Variants in PRSS50 observed in about 807,000 individuals in gnomAD.
PRSS50 encodes the protein serine protease 50.
A neutral mutation model predicts 34.2 loss-of-function variants in PRSS50; 23 were observed. That is an observed-to-expected ratio of 0.67 (90% confidence interval 0.48 to 0.95). The LOEUF is 0.95. PRSS50 is among the 40% of genes least tolerant of loss of function. The pLI is 0.00. For missense variants in PRSS50, 484 were observed against 513.4 expected (o/e 0.94, Z 0.55); for synonymous variants, 224 against 211.2 (o/e 1.06, Z -0.53).
Position 46,715,032 on chromosome 3 carries a change from C to T in PRSS50, c.470+503G>A, listed in dbSNP as rs1233701341. The stretch of plus-strand genomic sequence containing the variant: ...CACTCCTGGCCCCAAAACATCAGAA[C>T]ACTCCCTCTTTTGTCCCCACACCAA... On this transcript the variant is annotated intron_variant, in intron 3 of 5. Transcript: ENST00000315170. This position sits in a 1 kb window ranked among gnomAD's most constrained non-coding sequence, Gnocchi z 5.2. Among the ~76,000 whole-genome samples, 1 of 152,240 alleles carries T rather than the reference C, an allele frequency of 6.6e-6. No individual in the cohort carries two copies. The highest frequency in any genetic ancestry group is 1.5e-5 in the Non-Finnish European group (1 of 68,042).
chr3:46,714,371 C>T lies in PRSS50; in HGVS notation c.601G>A (p.Val201Met). 1.2e-6 allele frequency: 2 copies of T among 1,613,994 alleles called. No individual in the cohort carries two copies. The highest frequency in any genetic ancestry group is 1.7e-6 in the Non-Finnish European group (2 of 1,180,004). Residue 201 changes from valine to methionine, a missense_variant, in exon 4 of 6, where the codon GTG becomes ATG. Physicochemically the swap from Val to Met is conservative, Grantham distance 21. Coordinates refer to ENST00000315170, the MANE Select transcript of PRSS50 (RefSeq NM_013270.5). ...AGGCCGATGTCGTTGGCCTGGCCCACCCAGGACCAGAACCGCTGGGCCCGG... is the reference window on the plus strand; with the variant it reads ...AGGCCGATGTCGTTGGCCTGGCCCATCCAGGACCAGAACCGCTGGGCCCGG... Reference protein sequence around the residue: ...RYRAQRFWSWVGQANDIGLLK... With the variant: ...RYRAQRFWSWMGQANDIGLLK...
Position 46,715,637 on chromosome 3 carries a change from C to T in PRSS50, c.368G>A (p.Arg123Gln), listed in dbSNP as rs368788846. 8.7e-6 allele frequency: 14 copies of T among 1,611,494 alleles called. No homozygotes were observed. The African/African-American group carries it at 9.3e-5, about 11-fold the overall frequency. The stretch of plus-strand genomic sequence containing the variant: ...CCGCACGCTGACCATCCAGGGCCAC[C>T]GCCGAGCCACGGCTTCTGGGTCCCT... ...TLRDPEAVAR[R>Q]WPWMVSVRAN... The change falls in exon 3 of 6, where the codon CGG becomes CAG. Residue 123 changes from arginine to glutamine, a missense_variant. Coordinates refer to ENST00000315170, the MANE Select transcript of PRSS50 (RefSeq NM_013270.5). The surrounding 1 kb of genome is among the most constrained non-coding windows in gnomAD (Gnocchi z 5.2).
intron 3 of PRSS50, 56 bp from the exon 4 acceptor site, chr3:46,714,557 C>G: frequency 6.8e-7 from 1 of 1,476,428 alleles, no homozygotes; most frequent in Non-Finnish European, 9.0e-7. Flanking sequence ...GCCCCAGCCT[C>G]CAGCCTGGGC....
rs1700694188 is a variant in PRSS50, at chr3:46,717,170, A to T, written c.307+267T>A. 1.3e-5 allele frequency among the ~76,000 whole-genome samples: 2 copies of T among 152,146 alleles called. No individual in the cohort carries two copies. Among genetic ancestry groups the T allele is most frequent in the South Asian group, 4.1e-4 (2 of 4,830 alleles). On this transcript the variant is annotated intron_variant, in intron 2 of 5. Transcript: ENST00000315170. This position sits in a 1 kb window ranked among gnomAD's most constrained non-coding sequence, Gnocchi z 4.5. ...GCCAGCTCAGGCGAGGCGGGAACAC[A>T]CAGCCGGCCCCAGGCCCCTCTGACT...
chr3:46,712,972 G>A lies in PRSS50; in HGVS notation c.850C>T (p.Pro284Ser), dbSNP rs1191681298. ...DNFYHNFTKI[P>S]TLVQIIKSQM... ...GACTTGATGATCTGAACCAGAGTGGGGATTTTGGTGAAGTTGTGGTAGAAA... is the reference window on the plus strand; with the variant it reads ...GACTTGATGATCTGAACCAGAGTGGAGATTTTGGTGAAGTTGTGGTAGAAA... The change falls in exon 5 of 6, where the codon CCC becomes TCC. Residue 284 changes from proline (P) to serine (S), a missense_variant. Physicochemically the swap from Pro to Ser is moderately conservative, Grantham distance 74. Coordinates refer to ENST00000315170, the MANE Select transcript of PRSS50 (RefSeq NM_013270.5). 6.2e-7 allele frequency: 1 copy of A among 1,614,124 alleles called. No individual in the cohort carries two copies. The highest frequency in any genetic ancestry group is 1.1e-5 in the South Asian group (1 of 91,080).
At position 46,714,474 on chromosome 3, in the gene PRSS50, C is replaced by A; in HGVS notation, c.498G>T (p.Val166=). The A allele has an allele frequency of 6.2e-7, 1 of 1,604,024 alleles. No individual in the cohort carries two copies. Among genetic ancestry groups the A allele is most frequent in the Admixed American group, 1.7e-5 (1 of 58,956 alleles). ...TCATCTGGTCAATCCACGGACTCCC[C>A]ACCCTCACTGAGTAGATAACATCAC... ...IWRDVIYSVR[V]GSPWIDQMTQ... is the part of the protein sequence containing the mutation. The change falls in exon 4 of 6, where the codon GTG becomes GTT. Residue 166 remains valine (V), a synonymous_variant. Transcript: ENST00000315170.
chr3:46,713,958 A>C (rs149388755), intron 4 of PRSS50, among the ~76,000 whole-genome samples: 18 of 152,294 alleles, frequency 1.2e-4, no homozygotes, highest in African/African-American at 4.1e-4. Context: ...CCTTCAAGGA[A>C]GTTCTGTTTA....
In PRSS50 at chr3:46,712,508, G is replaced by T. The variant is rs760118292; in HGVS notation, c.922-26C>A. The stretch of plus-strand genomic sequence containing the variant: ...CTGTGGGAAGGGTTGGGGGAGTAAG[G>T]GTCAGGGAGGCCAGGCAAGGCCAGA... On this transcript the variant is annotated intron_variant, in intron 5 of 5. Coordinates refer to ENST00000315170, the MANE Select transcript of PRSS50 (RefSeq NM_013270.5). 6.2e-6 allele frequency: 10 copies of T among 1,608,954 alleles called. No homozygotes were observed. In the African/African-American group the frequency reaches 6.7e-5, roughly 11 times the overall value.
Position 46,716,564 on chromosome 3 carries a change from T to C in PRSS50, c.308-867A>G, listed in dbSNP as rs1700686165. Among the ~76,000 whole-genome samples, 1 of 152,182 alleles carries C rather than the reference T, an allele frequency of 6.6e-6. No homozygotes were observed. Among genetic ancestry groups the C allele is most frequent in the South Asian group, 2.1e-4 (1 of 4,824 alleles). On this transcript the variant is annotated intron_variant, in intron 2 of 5. Coordinates refer to ENST00000315170, the MANE Select transcript of PRSS50 (RefSeq NM_013270.5). The surrounding 1 kb of genome is among the most constrained non-coding windows in gnomAD (Gnocchi z 4.4). ...TAAGCATGACCCACTACCTCCAGCC[T>C]GAAAATGCAGATTTCAATCATGATG...
At chr3:46,713,092 C>T (rs144832936) in intron 4 of PRSS50, 25 bp from the exon 5 acceptor site, 122 of 1,611,034 alleles carry the variant, frequency 7.6e-5, no homozygotes, top group South Asian at 1.8e-4. Flanking sequence ...CCCATTTAGG[C>T]GCAGCCACTC....
intron 4 of PRSS50, among the ~76,000 whole-genome samples, chr3:46,713,561 C>T (rs1214090683): frequency 2.0e-5 from 3 of 152,244 alleles, no homozygotes; most frequent in Non-Finnish European, 4.4e-5. Context: ...AAAGTCACTC[C>T]CAGGTCCTCC....
rs1032566477 is a variant in PRSS50 at position 46,714,321 on chromosome 3, C to A, written c.651G>T (p.Lys217Asn). The change falls in exon 4 of 6, where the codon AAG becomes AAT. Residue 217 changes from lysine (K) to asparagine (N), a missense_variant. Transcript: ENST00000315170. ...AGATGGGCCGCACGTAATTGCTGTACTTGAGTTCCTGCTTGAGCTTGAGGA... is the reference window on the plus strand; with the variant it reads ...AGATGGGCCGCACGTAATTGCTGTAATTGAGTTCCTGCTTGAGCTTGAGGA... Reference protein sequence around the residue: ...IGLLKLKQELKYSNYVRPICL... With the variant: ...IGLLKLKQELNYSNYVRPICL... The A allele has an allele frequency of 6.2e-7, 1 of 1,614,156 alleles. No homozygotes were observed. The highest frequency in any genetic ancestry group is 8.5e-7 in the Non-Finnish European group (1 of 1,180,044).
rs1307320152 is a variant in PRSS50 at position 46,712,180 on chromosome 3, G to A, written c.*66C>T. Reference sequence around the variant, plus strand: ...CACCCTGACTCTCAGGGCTGTGACAGCTGCACCCACAGCAACCTGGGCACG... The same window carrying A: ...CACCCTGACTCTCAGGGCTGTGACAACTGCACCCACAGCAACCTGGGCACG... On this transcript the variant is annotated 3_prime_UTR_variant, in exon 6 of 6. Coordinates refer to ENST00000315170, the MANE Select transcript of PRSS50 (RefSeq NM_013270.5). 9 of 1,370,192 alleles carry A rather than the reference G, an allele frequency of 6.6e-6. No individual in the cohort carries two copies. The Admixed American group carries it at 1.8e-4, about 27-fold the overall frequency. The allele number at this position is 1,370,192 out of a possible 1,614,324, so 84.9% of individuals were successfully genotyped here.
Position 46,717,303 on chromosome 3 carries a change from T to G in PRSS50, c.307+134A>C. On this transcript the variant is annotated intron_variant, in intron 2 of 5. Transcript: ENST00000315170. The surrounding 1 kb of genome is among the most constrained non-coding windows in gnomAD (Gnocchi z 4.5). ...TGACCCACAGGTGTTTAGTGCTCAA[T>G]GAACACCTGTAGAAGGAGGCGCTCC... is the stretch of plus-strand genomic sequence containing the variant. The G allele has an allele frequency of 4.0e-6, 4 of 991,932 alleles. No homozygotes were observed. Among genetic ancestry groups the G allele is most frequent in the Non-Finnish European group, 5.9e-6 (4 of 677,906 alleles). 61.4% of individuals were successfully genotyped at this position (991,932 alleles called of 1,614,324 possible).
At chr3:46,713,458 G>A (rs1019183433) in intron 4 of PRSS50, among the ~76,000 whole-genome samples, 1 of 152,202 alleles carries the variant, frequency 6.6e-6, no homozygotes, top group African/African-American at 2.4e-5. Flanking sequence ...TGGAGGCCAG[G>A]CACTGCTTCT....
At position 46,716,231 on chromosome 3, in the gene PRSS50, T is replaced by G. The variant is rs146454327; in HGVS notation, c.308-534A>C. On this transcript the variant is annotated intron_variant, in intron 2 of 5. Coordinates refer to ENST00000315170, the MANE Select transcript of PRSS50 (RefSeq NM_013270.5). The surrounding 1 kb of genome is among the most constrained non-coding windows in gnomAD (Gnocchi z 4.4). ...AGTCTGCAGGGAAATGCAGACTGCT[T>G]CTTCTTCTTTCCTCTTCTTCTCTCT... Among the ~76,000 whole-genome samples the G allele has an allele frequency of 5.3e-5, 8 of 152,174 alleles. No homozygotes were observed. Among genetic ancestry groups the G allele is most frequent in the Non-Finnish European group, 7.4e-5 (5 of 67,998 alleles).
At chr3:46,713,340 T>A (rs1700642866) in intron 4 of PRSS50, among the ~76,000 whole-genome samples, 1 of 152,192 alleles carries the variant, frequency 6.6e-6, no homozygotes, top group Non-Finnish European at 1.5e-5. Flanking sequence ...CTCGGCCTCT[T>A]GGCTTTTGCC....
rs1433610842 is a variant in PRSS50, at chr3:46,714,268, T to C, written c.704A>G (p.Lys235Arg). Residue 235 changes from lysine to arginine, a missense_variant, in exon 4 of 6, where the codon AAG becomes AGG. Lys to Arg is a conservative substitution (Grantham distance 26). Transcript: ENST00000315170. ...ICLPGTDYVL[K>R]DHSRCTVTGW... ...CGTCACAGTGCAGCGGGAATGGTCC[T>C]TCAACACATAGTCCGTGCCAGGCAG... 1.2e-6 allele frequency: 2 copies of C among 1,614,182 alleles called. No homozygotes were observed. The highest frequency in any genetic ancestry group is 3.3e-5 in the Admixed American group (2 of 60,026).
At position 46,713,029 on chromosome 3, in the gene PRSS50, C is replaced by G; in HGVS notation, c.793G>C (p.Val265Leu). 6.2e-7 allele frequency: 1 copy of G among 1,614,196 alleles called. No individual in the cohort carries two copies. ...CACTCTTTGTTGTTCAGGATGATGA[C>G]TTCCTTCTCCTGAATGGTCCGGAAC... ...PQFRTIQEKEVIILNNKECDN... is the reference protein window; with the variant it reads ...PQFRTIQEKELIILNNKECDN... Residue 265 changes from valine (V) to leucine (L), a missense_variant, in exon 5 of 6, where the codon GTC becomes CTC. Val to Leu is a conservative substitution (Grantham distance 32). Transcript: ENST00000315170.
Sources: gnomAD v4.1 joint callset for allele counts (sites outside exome capture counted in the v4.1 genomes callset) on GRCh38, gnomAD v4.1.1 for gene constraint, Gnocchi (gnomAD v3.1) non-coding constraint, MANE v1.5 for transcripts, NCBI Gene and HGNC (gene_info 2026-07-23, HGNC 2026-07-21) for gene names.